Variants in NF2 observed in about 807,000 individuals in gnomAD.
The protein encoded by NF2 is merlin.
NF2 carries 8 observed loss-of-function variants against 83.7 expected under a neutral mutation model. The observed-to-expected ratio is 0.10, with a 90% CI of 0.06 to 0.17. The LOEUF is 0.17. Ranked by LOEUF, NF2 falls within the 10% of genes least tolerant of loss-of-function variation. The pLI, the probability that NF2 is intolerant of heterozygous loss-of-function variation, is 1.00. For missense variants in NF2, 533 were observed against 744.4 expected (o/e 0.72, Z 3.31); for synonymous variants, 266 against 269.6 (o/e 0.99, Z 0.13).
intron 1 of NF2, among the ~76,000 whole-genome samples, chr22:29,618,921 G>C (rs2065141448): frequency 6.6e-6 from 1 of 152,174 alleles, no homozygotes; most frequent in Non-Finnish European, 1.5e-5. Flanking sequence ...AGGCTCCCTA[G>C]GACCAGGCAA....
At chr22:29,616,844 T>G (rs1430549733) in intron 1 of NF2, among the ~76,000 whole-genome samples, 1 of 152,088 alleles carries the variant, frequency 6.6e-6, no homozygotes, top group African/African-American at 2.4e-5. Context: ...TTTGCTGATC[T>G]CTGATCTAAG....
At chr22:29,628,415 T>C (rs1213292224) in intron 1 of NF2, among the ~76,000 whole-genome samples, 7 of 151,742 alleles carry the variant, frequency 4.6e-5, no homozygotes, top group Admixed American at 3.9e-4. Context: ...ATAGGCTGGG[T>C]TGTAATAAGG....
rs373650983 is a variant in NF2, at chr22:29,674,880, G to A, written c.1385G>A (p.Arg462His). 47 of 1,572,312 alleles carry A rather than the reference G, an allele frequency of 3.0e-5. No homozygotes were observed. Among genetic ancestry groups the A allele is most frequent in the African/African-American group, 2.8e-4 (21 of 73,996 alleles). ...DQLKQDLQEAREAERRAKQKL... is the reference protein window; with the variant it reads ...DQLKQDLQEAHEAERRAKQKL... ...CTGAAGCAGGACCTGCAGGAAGCAC[G>A]CGAGGCGGAGCGAAGAGCCAAGCAG... Residue 462 changes from arginine (R) to histidine (H), a missense_variant, in exon 13 of 16, where the codon CGC becomes CAC. Transcript: ENST00000338641.
chr22:29,652,736 T>TA (rs372875577), intron 4 of NF2, among the ~76,000 whole-genome samples: 31 of 152,304 alleles, frequency 2.0e-4, no homozygotes, highest in African/African-American at 7.0e-4. Flanking sequence ...GCCACATAGC[T>TA]ACTATGTGAA....
intron 4 of NF2, among the ~76,000 whole-genome samples, chr22:29,644,457 G>T (rs2065920659): frequency 6.7e-6 from 1 of 150,018 alleles, no homozygotes; most frequent in Non-Finnish European, 1.5e-5. Context: ...AGGCAGAGGG[G>T]CTCCTCACAT....
At chr22:29,680,710 A>T (rs1489503106) in intron 14 of NF2, among the ~76,000 whole-genome samples, 1 of 152,184 alleles carries the variant, frequency 6.6e-6, no homozygotes, top group African/African-American at 2.4e-5. Flanking sequence ...TCATCTTTAG[A>T]TGAAGTCTCA....
intron 1 of NF2, among the ~76,000 whole-genome samples, chr22:29,635,983 G>A (rs1336353700): frequency 1.3e-5 from 2 of 152,174 alleles, no homozygotes; most frequent in Non-Finnish European, 2.9e-5. Context: ...CTTCCCTTAA[G>A]ACATTGAACT....
intron 6 of NF2, among the ~76,000 whole-genome samples, chr22:29,656,398 G>T (rs1356806912): frequency 6.7e-6 from 1 of 150,182 alleles, no homozygotes; most frequent in Non-Finnish European, 1.5e-5. Flanking sequence ...GTAGTTCTGG[G>T]GATATATTCT....
intron 13 of NF2, among the ~76,000 whole-genome samples, chr22:29,676,060 G>C (rs907298687): frequency 6.6e-6 from 1 of 152,176 alleles, no homozygotes; most frequent in Admixed American, 6.5e-5. Flanking sequence ...ATCCTTGCTG[G>C]GGATCTCTCT....
At chr22:29,615,156 C>T (rs1181705338) in intron 1 of NF2, among the ~76,000 whole-genome samples, 3 of 152,074 alleles carry the variant, frequency 2.0e-5, no homozygotes, top group Non-Finnish European at 2.9e-5. Flanking sequence ...TGCACTCCAA[C>T]CTGGGCAACA....
chr22:29,644,475 G>C (rs1276836781), intron 4 of NF2, among the ~76,000 whole-genome samples: 1 of 150,256 alleles, frequency 6.7e-6, no homozygotes, highest in Non-Finnish European at 1.5e-5. Flanking sequence ...CATCCCAGAC[G>C]ATGGGCGGCC....
intron 1 of NF2, among the ~76,000 whole-genome samples, chr22:29,619,932 C>T (rs915777027): frequency 6.6e-6 from 1 of 152,296 alleles, no homozygotes; most frequent in East Asian, 1.9e-4. Context: ...CACACTACCT[C>T]ATTTGATATA....
intron 1 of NF2, among the ~76,000 whole-genome samples, chr22:29,624,398 G>T (rs1488989340): frequency 6.6e-6 from 1 of 152,034 alleles, no homozygotes; most frequent in African/African-American, 2.4e-5. Context: ...AGTAGAGATG[G>T]GGTTTTGCCA....
At chr22:29,647,173 A>G (rs1348837632) in intron 4 of NF2, among the ~76,000 whole-genome samples, 2 of 152,136 alleles carry the variant, frequency 1.3e-5, no homozygotes, top group Non-Finnish European at 2.9e-5. Flanking sequence ...ATTGAAAATG[A>G]CTTTGGGAGA....
At chr22:29,677,339 G>A (rs186291636) in intron 13 of NF2, among the ~76,000 whole-genome samples, 1 of 152,198 alleles carries the variant, frequency 6.6e-6, no homozygotes, top group Admixed American at 6.5e-5. Flanking sequence ...ATGGAGCATA[G>A]GGAGGAGAAA....
intron 1 of NF2, among the ~76,000 whole-genome samples, chr22:29,632,422 C>T (rs1252245584): frequency 6.6e-6 from 1 of 152,206 alleles, no homozygotes; most frequent in Non-Finnish European, 1.5e-5. Context: ...ATAGGAGGTT[C>T]CCACAGCCGC....
chr22:29,641,779 GCCTTGGTGA>G (rs1184847940), intron 3 of NF2, among the ~76,000 whole-genome samples: 12 of 152,098 alleles, frequency 7.9e-5, no homozygotes, highest in African/African-American at 2.9e-4. Flanking sequence ...TAACTCAGTG[GCCTTGGTGA>G]CTTTTGTCTT....
rs1255367068 is a variant in NF2, at chr22:29,668,351, G to A, written c.904G>A (p.Gly302Arg). 5.0e-6 allele frequency: 8 copies of A among 1,613,420 alleles called. No homozygotes were observed. The highest frequency in any genetic ancestry group is 2.2e-5 in the South Asian group (2 of 91,030). Residue 302 changes from glycine to arginine, a missense_variant, in exon 10 of 16, where the codon GGG (glycine) becomes AGG (arginine). By Grantham distance (125) the Gly-to-Arg change is moderately radical. Coordinates refer to ENST00000338641, the MANE Select transcript of NF2 (RefSeq NM_000268.4). ...VNKLILQLCI[G>R]NHDLFMRRRK... ...GCCACAGATTCTCCAGCTATGTATC[G>A]GGAACCATGATCTATTTATGAGGAG...
At chr22:29,692,385 C>G (rs967926792) in intron 15 of NF2, among the ~76,000 whole-genome samples, 2 of 152,192 alleles carry the variant, frequency 1.3e-5, no homozygotes, top group Non-Finnish European at 1.5e-5. Flanking sequence ...AGGTGGGGCT[C>G]AGGAAGCACC....
Sources: gnomAD v4.1 joint callset for allele counts (sites outside exome capture counted in the v4.1 genomes callset) on GRCh38, gnomAD v4.1.1 for gene constraint, MANE v1.5 for transcripts, NCBI Gene and HGNC (gene_info 2026-07-23, HGNC 2026-07-21) for gene names.